The following PTPRO variants were observed in gnomAD, a reference collection of about 807,000 sequenced individuals.
PTPRO encodes the protein protein tyrosine phosphatase receptor type O.
In PTPRO, 62 loss-of-function variants were observed where a neutral mutation model predicts 145.2. The ratio of observed to expected loss-of-function variants is 0.43; its 90% CI spans 0.35 to 0.53. The LOEUF is 0.53. Among genes scored for constraint, PTPRO ranks in the 20% least tolerant of loss-of-function variants. PTPRO has a pLI of 0.01. For synonymous variants in PTPRO, 565 were observed against 514.7 expected, an observed-to-expected ratio of 1.10 and a Z score of -1.32; for missense variants, 1,345 against 1,482.7, an observed-to-expected ratio of 0.91 and a Z score of 1.53.
At chr12:15,438,159 G>C (rs1940653157) in intron 1 of PTPRO, among the ~76,000 whole-genome samples, 1 of 151,994 alleles carries the variant, frequency 6.6e-6, no homozygotes. Flanking sequence ...AGCACGTAAG[G>C]GAAAGAGAAT....
intron 2 of PTPRO, among the ~76,000 whole-genome samples, chr12:15,491,028 C>T (rs973457688): frequency 6.6e-6 from 1 of 152,138 alleles, no homozygotes; most frequent in East Asian, 1.9e-4. Flanking sequence ...TGATGGTCAC[C>T]ACCTCACTTG....
chr12:15,343,441 T>C (rs192407584), intron 1 of PTPRO, among the ~76,000 whole-genome samples: 159 of 152,156 alleles, frequency 1.0e-3, no homozygotes, highest in African/African-American at 3.1e-3. Flanking sequence ...AATCTCAGCA[T>C]TTTGGGAGGC....
chr12:15,563,727 A>G (rs915268194), intron 17 of PTPRO, among the ~76,000 whole-genome samples: 1 of 152,118 alleles, frequency 6.6e-6, no homozygotes, highest in Non-Finnish European at 1.5e-5. Context: ...GCAGCTTAAT[A>G]TTTCAGCACT....
In PTPRO at chr12:15,595,014, C is replaced by T. The variant is rs1394671462; in HGVS notation, c.3624C>T (p.Val1208=). 1.1e-5 allele frequency: 17 copies of T among 1,613,682 alleles called. No individual in the cohort carries two copies. Among genetic ancestry groups the T allele is most frequent in the East Asian group, 4.5e-5 (2 of 44,854 alleles). ...AGCAGCAGTTCTGCATCAGTGATGTCATATACGAGAATGTTAGCAAGTCCT... is the reference window on the plus strand; with the variant it reads ...AGCAGCAGTTCTGCATCAGTGATGTTATATACGAGAATGTTAGCAAGTCCT... The part of the protein sequence containing the change: ...KKKQQFCISD[V]IYENVSKS The change falls in exon 26 of 27, where the codon GTC becomes GTT. Residue 1208 remains valine (V), a synonymous_variant. Coordinates refer to ENST00000281171, the MANE Select transcript of PTPRO (RefSeq NM_030667.3).
At chr12:15,400,380 C>T (rs1001975214) in intron 1 of PTPRO, among the ~76,000 whole-genome samples, 1 of 152,176 alleles carries the variant, frequency 6.6e-6, no homozygotes, top group Non-Finnish European at 1.5e-5. Context: ...ACCTGCTGCA[C>T]CTTGTACCGC....
At position 15,533,566 on chromosome 12, in the gene PTPRO, T is replaced by C. The variant is rs551654997; in HGVS notation, c.2164+7304T>C. Among the ~76,000 whole-genome samples, 4 of 152,260 alleles carry C rather than the reference T, an allele frequency of 2.6e-5. No homozygotes were observed. The East Asian group carries it at 7.7e-4, about 29-fold the overall frequency. On this transcript the variant is annotated intron_variant, in intron 12 of 26. Coordinates refer to ENST00000281171, the MANE Select transcript of PTPRO (RefSeq NM_030667.3). ...CTCAAAGTTGAACATAGTATTGCAG[T>C]TAATATTTAATCGGAACAAGTTTAA...
intron 12 of PTPRO, among the ~76,000 whole-genome samples, chr12:15,533,175 A>G (rs1942996405): frequency 1.3e-5 from 2 of 152,190 alleles, no homozygotes; most frequent in Admixed American, 1.3e-4. Context: ...TGATAATAGA[A>G]TGGACTATGT....
At chr12:15,395,573 T>G (rs1939314223) in intron 1 of PTPRO, among the ~76,000 whole-genome samples, 1 of 152,160 alleles carries the variant, frequency 6.6e-6, no homozygotes, top group Non-Finnish European at 1.5e-5. Context: ...TCTCTTATAT[T>G]GGCTGTTTTC....
In PTPRO at chr12:15,548,530, G is replaced by A. The variant is rs1438891461; in HGVS notation, c.2305-564G>A. Among the ~76,000 whole-genome samples the A allele has an allele frequency of 5.1e-5, 7 of 137,162 alleles. No individual in the cohort carries two copies. The South Asian group carries it at 1.4e-3, about 27-fold the overall frequency. The allele number at this position is 137,162 out of a possible 152,430, so 90.0% of individuals were successfully genotyped here. ...TGTGTATATATGTGTGTATATATAT[G>A]TGTGTGTGTGTGTGTGTGTGTGTCT... On this transcript the variant is annotated intron_variant, in intron 13 of 26. Transcript: ENST00000281171.
intron 1 of PTPRO, among the ~76,000 whole-genome samples, chr12:15,393,229 C>T (rs1939240266): frequency 6.6e-6 from 1 of 152,068 alleles, no homozygotes; most frequent in South Asian, 2.1e-4. Context: ...AAAAAAATCA[C>T]ACCAACATGT....
intron 15 of PTPRO, among the ~76,000 whole-genome samples, chr12:15,557,039 T>TTA (rs1419046824): frequency 6.6e-6 from 1 of 151,382 alleles, no homozygotes; most frequent in Admixed American, 6.6e-5. Flanking sequence ...TTTGTTTTTT[T>TTA]TTTTTTTCTT....
intron 19 of PTPRO, 85 bp downstream of exon 19, chr12:15,569,583 C>T: frequency 1.7e-6 from 2 of 1,192,006 alleles, no homozygotes; most frequent in African/African-American, 3.0e-5. Context: ...TGTCCCTGCT[C>T]ACTGGCAGTG....
intron 1 of PTPRO, among the ~76,000 whole-genome samples, chr12:15,374,839 G>A (rs944867709): frequency 6.6e-6 from 1 of 152,178 alleles, no homozygotes; most frequent in African/African-American, 2.4e-5. Context: ...TATTGTGAGG[G>A]ATTTAGAAGC....
chr12:15,454,675 T>C (rs913100105), intron 1 of PTPRO, among the ~76,000 whole-genome samples: 12 of 152,188 alleles, frequency 7.9e-5, no homozygotes, highest in Admixed American at 5.2e-4. Context: ...GTCATGAAGC[T>C]TTTCTCCTAT....
intron 1 of PTPRO, among the ~76,000 whole-genome samples, chr12:15,338,541 C>A (rs1208458279): frequency 6.6e-6 from 1 of 152,112 alleles, no homozygotes; most frequent in Non-Finnish European, 1.5e-5. Context: ...CTAGAAAGTT[C>A]TTGAAAGGAC....
At chr12:15,382,648 T>C (rs1938898790) in intron 1 of PTPRO, among the ~76,000 whole-genome samples, 2 of 152,210 alleles carry the variant, frequency 1.3e-5, no homozygotes. Context: ...AAAGGCAATA[T>C]ATTCATTTGT....
chr12:15,473,642 C>T (rs1026447789), intron 1 of PTPRO, among the ~76,000 whole-genome samples: 5 of 151,800 alleles, frequency 3.3e-5, no homozygotes, highest in African/African-American at 1.2e-4. Flanking sequence ...TGGTGGGCAC[C>T]TGTAATCCCA....
intron 12 of PTPRO, 31 bp from the exon 13 acceptor site, chr12:15,546,538 A>G: frequency 3.2e-6 from 5 of 1,554,846 alleles, no homozygotes; most frequent in Non-Finnish European, 4.4e-6. Flanking sequence ...TTAGTAAATT[A>G]AATTTTTTTT....
At chr12:15,479,047 G>A (rs747610809) in intron 1 of PTPRO, among the ~76,000 whole-genome samples, 2 of 152,144 alleles carry the variant, frequency 1.3e-5, no homozygotes, top group Non-Finnish European at 2.9e-5. Flanking sequence ...CTGAATGTGC[G>A]GAAAGACTCC....
Sources: gnomAD v4.1 joint callset for allele counts (sites outside exome capture counted in the v4.1 genomes callset) on GRCh38, gnomAD v4.1.1 for gene constraint, MANE v1.5 for transcripts, NCBI Gene and HGNC (gene_info 2026-07-23, HGNC 2026-07-21) for gene names.